MBNL2: variants seen among roughly 807,000 people sequenced by gnomAD.
MBNL2 encodes the protein muscleblind-like protein 2.
In MBNL2, 17 loss-of-function variants were observed where a neutral mutation model predicts 41.9. That is an observed-to-expected ratio of 0.41 (90% CI 0.28 to 0.61). The LOEUF is 0.61. Ranked by LOEUF, MBNL2 falls within the 20% of genes least tolerant of loss-of-function variation. MBNL2 has a pLI of 0.35. For synonymous variants in MBNL2, 195 were observed against 182.9 expected (o/e 1.07, Z -0.53); for missense variants, 336 against 505.6 (o/e 0.66, Z 3.22).
At chr13:97,378,233 C>T (rs1032525192) in intron 8 of MBNL2, among the ~76,000 whole-genome samples, 2 of 145,690 alleles carry the variant, frequency 1.4e-5, no homozygotes, top group South Asian at 4.4e-4. Flanking sequence ...GCTTACTATC[C>T]CCAAGCACTT....
intron 2 of MBNL2, among the ~76,000 whole-genome samples, chr13:97,297,029 G>C (rs1172785701): frequency 6.6e-6 from 1 of 152,154 alleles, no homozygotes; most frequent in African/African-American, 2.4e-5. Flanking sequence ...GTTTCTGTCT[G>C]GCCTTTTTGT....
At chr13:97,371,817 A>G (rs542628790) in intron 8 of MBNL2, among the ~76,000 whole-genome samples, 1 of 152,350 alleles carries the variant, frequency 6.6e-6, no homozygotes, top group South Asian at 2.1e-4. Context: ...TACTATGGCA[A>G]AACCTGTCTA....
At chr13:97,202,540 A>G in the MBNL2 span, among the ~76,000 whole-genome samples, 1 of 152,202 alleles carries the variant, frequency 6.6e-6, no homozygotes, top group Non-Finnish European at 1.5e-5. Flanking sequence ...CCTAATATGT[A>G]ATGACTGTTA....
chr13:97,233,328 C>G (rs1182736094), intron 1 of MBNL2, among the ~76,000 whole-genome samples: 1 of 74,004 alleles, frequency 1.4e-5, no homozygotes, highest in African/African-American at 5.5e-5. Context: ...CCTCCCCCCA[C>G]CCCACAACAG....
chr13:97,359,018 G>C (rs375736628), intron 7 of MBNL2, among the ~76,000 whole-genome samples: 2 of 151,870 alleles, frequency 1.3e-5, no homozygotes, highest in Admixed American at 6.6e-5. Context: ...TTTTAGTTTT[G>C]AACCTGTCTT....
chr13:97,367,032 A>G (rs1347242501), intron 8 of MBNL2, among the ~76,000 whole-genome samples: 1 of 152,094 alleles, frequency 6.6e-6, no homozygotes, highest in East Asian at 1.9e-4. Context: ...TGATCATTTG[A>G]CCTCAGTCTT....
chr13:97,175,170 C>T, the MBNL2 span, among the ~76,000 whole-genome samples: 1 of 152,126 alleles, frequency 6.6e-6, no homozygotes, highest in East Asian at 1.9e-4. Flanking sequence ...AACAGCCTGG[C>T]CAAGCCACTC....
intron 8 of MBNL2, among the ~76,000 whole-genome samples, chr13:97,370,620 G>T (rs886333423): frequency 6.6e-6 from 1 of 150,758 alleles, no homozygotes; most frequent in Non-Finnish European, 1.5e-5. Context: ...AGTGAGCTGA[G>T]ATCGCGCAAT....
intron 2 of MBNL2, among the ~76,000 whole-genome samples, chr13:97,312,467 T>C (rs901817384): frequency 3.3e-5 from 5 of 152,216 alleles, no homozygotes; most frequent in African/African-American, 9.6e-5. Context: ...AGGTAGGTAA[T>C]TAACAAATTA....
intron 1 of MBNL2, among the ~76,000 whole-genome samples, chr13:97,266,559 G>A (rs538587906): frequency 2.6e-5 from 4 of 152,330 alleles, no homozygotes; most frequent in Admixed American, 2.6e-4. Context: ...CTCCTCCAGG[G>A]CCCTCTCCGC....
chr13:97,318,298 T>G (rs752384502), intron 2 of MBNL2, among the ~76,000 whole-genome samples: 7 of 152,216 alleles, frequency 4.6e-5, no homozygotes, highest in Admixed American at 2.0e-4. Flanking sequence ...AGAAGTATAG[T>G]GATTAAGAGC....
At chr13:97,387,098 G>A (rs1382268674) in intron 8 of MBNL2, among the ~76,000 whole-genome samples, 2 of 150,976 alleles carry the variant, frequency 1.3e-5, no homozygotes, top group Non-Finnish European at 2.9e-5. Flanking sequence ...TACTAGATTA[G>A]CTAGAATCTT....
chr13:97,230,615 A>G (rs980649055), intron 1 of MBNL2, among the ~76,000 whole-genome samples: 1 of 152,234 alleles, frequency 6.6e-6, no homozygotes, highest in African/African-American at 2.4e-5. Context: ...GCAAGGGCCC[A>G]AAAGAGAATA....
At chr13:97,351,257 A>G (rs369803945) in intron 5 of MBNL2, among the ~76,000 whole-genome samples, 1 of 152,200 alleles carries the variant, frequency 6.6e-6, no homozygotes, top group Non-Finnish European at 1.5e-5. Context: ...AAATACATAT[A>G]CTGTCATCCA....
chr13:97,167,451 T>C, the MBNL2 span, among the ~76,000 whole-genome samples: 1 of 151,564 alleles, frequency 6.6e-6, no homozygotes, highest in Non-Finnish European at 1.5e-5. Context: ...GATATTTTTA[T>C]AGGAAAACCT....
chr13:97,334,148 C>CACACACACA lies in MBNL2; in HGVS notation c.175-128_175-127insACACACACA. ...AACACATGAGCATGCGCGCGCACAC[C>CACACACACA]CACACACACACACACACACACACAC... On this transcript the variant is annotated intron_variant, in intron 2 of 8. Transcript: ENST00000679496. The surrounding 1 kb of genome is among the most constrained non-coding windows in gnomAD (Gnocchi z 5.3). The CACACACACA allele has an allele frequency of 3.7e-6, 2 of 546,454 alleles. No homozygotes were observed. The highest frequency in any genetic ancestry group is 6.4e-6 in the Non-Finnish European group (2 of 311,684). 33.9% of individuals were successfully genotyped at this position (546,454 alleles called of 1,614,324 possible).
chr13:97,148,099 C>T, the MBNL2 span, among the ~76,000 whole-genome samples: 1 of 152,078 alleles, frequency 6.6e-6, no homozygotes, highest in South Asian at 2.1e-4. Context: ...GCTGAGCGAC[C>T]GGTTACATAA....
At chr13:97,302,265 G>C (rs1298455212) in intron 2 of MBNL2, among the ~76,000 whole-genome samples, 2 of 152,146 alleles carry the variant, frequency 1.3e-5, no homozygotes, top group Non-Finnish European at 2.9e-5. Flanking sequence ...ATTTTGATCA[G>C]TCAGATGAGA....
intron 8 of MBNL2, among the ~76,000 whole-genome samples, chr13:97,375,264 G>T (rs2064856374): frequency 6.6e-6 from 1 of 152,196 alleles, no homozygotes. Flanking sequence ...GACTGGGTCT[G>T]CTGACCACTC....
Sources: allele counts gnomAD v4.1 joint callset (sites outside exome capture counted in the v4.1 genomes callset), GRCh38; gene constraint gnomAD v4.1.1; non-coding constraint Gnocchi (gnomAD v3.1); transcripts MANE v1.5; gene names NCBI Gene and HGNC (gene_info 2026-07-23, HGNC 2026-07-21).